MED14: variants seen among roughly 807,000 people sequenced by gnomAD.
MED14 encodes the protein mediator complex subunit 14.
A neutral mutation model predicts 109.0 loss-of-function variants in MED14; 8 were observed. The observed-to-expected ratio is 0.07, with a 90% CI of 0.04 to 0.13. MED14 has a LOEUF of 0.13. MED14 is among the 10% of genes least tolerant of loss of function. MED14 has a pLI of 1.00. For synonymous variants in MED14, 399 were observed against 408.7 expected (o/e 0.98, Z 0.29); for missense variants, 711 against 1,142.4 (o/e 0.62, Z 5.44).
chrX:40,674,519 A>C (rs564163376), intron 22 of MED14, among the ~76,000 whole-genome samples: 1 of 112,177 alleles, frequency 8.9e-6, no homozygotes, highest in East Asian at 2.8e-4. Flanking sequence ...ACCAAAACTA[A>C]AGGATGTGCC....
intron 1 of MED14, among the ~76,000 whole-genome samples, chrX:40,731,218 A>G (rs981642088): frequency 9.1e-6 from 1 of 109,717 alleles, no homozygotes; most frequent in African/African-American, 3.3e-5. Context: ...GAGAGCATGT[A>G]TGTTGAGGGG....
At position 40,648,326 on chromosome X, in the gene MED14, G is replaced by A. The variant is rs1928738024; in HGVS notation, c.*3480C>T. On this transcript the variant is annotated 3_prime_UTR_variant, in exon 31 of 31. Coordinates refer to ENST00000324817, the MANE Select transcript of MED14 (RefSeq NM_004229.4). ...CAGGTCAGTTTTAGTTGTTTTTAAT[G>A]AGCTTTCTGAGCTTGGAAAACATGT... 1 of 111,870 alleles carries A rather than the reference G, an allele frequency of 8.9e-6. No homozygotes were observed. The highest frequency in any genetic ancestry group is 9.4e-5 in the Admixed American group (1 of 10,609). The allele number at this position is 111,870 out of a possible 1,213,427, so 9.2% of individuals were successfully genotyped here.
At chrX:40,669,862 G>C (rs1430957996) in intron 23 of MED14, among the ~76,000 whole-genome samples, 1 of 111,058 alleles carries the variant, frequency 9.0e-6, no homozygotes, top group Non-Finnish European at 1.9e-5. Context: ...AGTGTCGAAA[G>C]GAGGGAGGCA....
At chrX:40,713,283 A>C (rs1602485753) in intron 5 of MED14, among the ~76,000 whole-genome samples, 1 of 110,788 alleles carries the variant, frequency 9.0e-6, no homozygotes, top group East Asian at 2.8e-4. Flanking sequence ...AACTCTGGGG[A>C]CTCTTCTCTC....
intron 3 of MED14, among the ~76,000 whole-genome samples, chrX:40,722,778 T>G (rs1309374412): frequency 9.0e-6 from 1 of 111,530 alleles, no homozygotes; most frequent in African/African-American, 3.3e-5. Context: ...GTAGGAGACT[T>G]TTCAGTGAAA....
intron 12 of MED14, among the ~76,000 whole-genome samples, chrX:40,698,561 A>G (rs1398550330): frequency 4.4e-5 from 5 of 112,385 alleles, no homozygotes; most frequent in Admixed American, 2.8e-4. Context: ...ATTCTAATAA[A>G]AAACATTGGG....
At position 40,664,507 on chromosome X, in the gene MED14, A is replaced by C; in HGVS notation, c.3266-18T>G. On this transcript the variant is annotated intron_variant, in intron 24 of 30. Transcript: ENST00000324817. ...AAGAGTTCCTATAAAAAAGGTAAAC[A>C]AATGATTCTCAAAACCTATATTTTA... is the stretch of plus-strand genomic sequence containing the variant. The C allele has an allele frequency of 3.0e-6, 3 of 997,959 alleles. No homozygotes were observed. The highest frequency in any genetic ancestry group is 4.5e-5 in the Admixed American group (1 of 22,443). 82.2% of individuals were successfully genotyped at this position (997,959 alleles called of 1,213,427 possible).
In MED14 at chrX:40,703,462, A is replaced by T. The variant is rs187462282; in HGVS notation, c.1393T>A (p.Leu465Met). 1 of 1,196,161 alleles carries T rather than the reference A, an allele frequency of 8.4e-7. No homozygotes were observed. Among genetic ancestry groups the T allele is most frequent in the African/African-American group, 1.8e-5 (1 of 56,978 alleles). ...AACTTACCAAGTCCATAAAGCATCAATTGAAACATTCCAGAATGTAAATCT... is the reference window on the plus strand; with the variant it reads ...AACTTACCAAGTCCATAAAGCATCATTTGAAACATTCCAGAATGTAAATCT... The part of the protein sequence containing the change: ...FVDLHSGMFQ[L>M]MLYGLDQATL... The change falls in exon 11 of 31, where the codon TTG (leucine) becomes ATG (methionine). Residue 465 changes from leucine (L) to methionine (M), a missense_variant. Leu to Met is a conservative substitution (Grantham distance 15). Transcript: ENST00000324817.
At chrX:40,684,905 G>T (rs1049400382) in intron 16 of MED14, among the ~76,000 whole-genome samples, 18 of 111,122 alleles carry the variant, frequency 1.6e-4, no homozygotes, top group African/African-American at 5.9e-4. Context: ...TCTACCTCAA[G>T]GAATTCGTAA....
chrX:40,712,115 G>A (rs1417099357), intron 7 of MED14, 71 bp downstream of exon 7: 9 of 810,189 alleles, frequency 1.1e-5, no homozygotes, highest in Admixed American at 1.1e-4. Flanking sequence ...CAAGACTAAG[G>A]ACAAATGAAA....
chrX:40,673,953 C>T (rs1929823866), intron 22 of MED14, among the ~76,000 whole-genome samples: 1 of 111,320 alleles, frequency 9.0e-6, no homozygotes, highest in Admixed American at 9.5e-5. Flanking sequence ...ATAACATTGG[C>T]CCTGCTACGG....
At chrX:40,732,558 T>G (rs1049237686) in intron 1 of MED14, among the ~76,000 whole-genome samples, 26 of 104,041 alleles carry the variant, frequency 2.5e-4, no homozygotes, top group Non-Finnish European at 4.7e-4. Flanking sequence ...GTGGGAGGAC[T>G]GCTTAAGCCC....
At chrX:40,696,094 T>C (rs947147554) in intron 13 of MED14, among the ~76,000 whole-genome samples, 2 of 109,541 alleles carry the variant, frequency 1.8e-5, no homozygotes, top group East Asian at 5.7e-4. Context: ...TTGTAAAACA[T>C]AGATTCTTAG....
intron 15 of MED14, among the ~76,000 whole-genome samples, chrX:40,690,417 GTTTT>G (rs1001260027): frequency 4.5e-5 from 5 of 110,563 alleles, no homozygotes; most frequent in South Asian, 3.9e-4. Context: ...CCACTGCCTG[GTTTT>G]TTTGTTTGTT....
At chrX:40,701,269 T>C in intron 11 of MED14, 26 bp from the exon 12 acceptor site, 1 of 990,835 alleles carries the variant, frequency 1.0e-6, no homozygotes, top group Non-Finnish European at 1.4e-6. Context: ...CTTCATTAAT[T>C]AATTGCTTAT....
At chrX:40,686,374 G>C (rs977276206) in intron 16 of MED14, among the ~76,000 whole-genome samples, 1 of 110,505 alleles carries the variant, frequency 9.0e-6, no homozygotes, top group African/African-American at 3.3e-5. Flanking sequence ...GAATGCAAAT[G>C]TTAACATTAT....
intron 28 of MED14, among the ~76,000 whole-genome samples, chrX:40,657,290 C>A (rs1465806913): frequency 8.9e-6 from 1 of 111,734 alleles, no homozygotes; most frequent in Non-Finnish European, 1.9e-5. Context: ...TATCTGAAAA[C>A]CAGGTCTTTG....
intron 10 of MED14, among the ~76,000 whole-genome samples, chrX:40,706,761 C>T (rs1931158153): frequency 9.0e-6 from 1 of 111,461 alleles, no homozygotes; most frequent in Non-Finnish European, 1.9e-5. Flanking sequence ...TTAACTATCC[C>T]TTGGCAATCA....
intron 12 of MED14, among the ~76,000 whole-genome samples, 174 bp from the exon 13 acceptor site, chrX:40,697,357 C>T (rs1930758748): frequency 8.9e-6 from 1 of 112,207 alleles, no homozygotes; most frequent in Admixed American, 9.4e-5. Context: ...TTTTGCACTA[C>T]TGTCAATTCT....
Sources: gnomAD v4.1 joint callset for allele counts (sites outside exome capture counted in the v4.1 genomes callset) on GRCh38, gnomAD v4.1.1 for gene constraint, MANE v1.5 for transcripts, NCBI Gene and HGNC (gene_info 2026-07-23, HGNC 2026-07-21) for gene names.